Variants in SPOCK3 observed in about 807,000 individuals in gnomAD.
SPOCK3 encodes the protein testican-3.
SPOCK3 carries 30 observed loss-of-function variants against 56.6 expected under a neutral mutation model. The ratio of observed to expected loss-of-function variants is 0.53; its 90% CI spans 0.40 to 0.72. The LOEUF (loss-of-function observed/expected upper bound fraction) is 0.72, where lower values mean the gene tolerates loss of function less well. SPOCK3 is among the 30% of genes least tolerant of loss of function. The probability of loss-of-function intolerance (pLI) is 0.00; values close to 1 mark genes in which losing one functional copy is unlikely to be tolerated. For synonymous variants in SPOCK3, 196 were observed against 183.3 expected, an observed-to-expected ratio of 1.07 and a Z score of -0.56; for missense variants, 527 against 530.0, an observed-to-expected ratio of 0.99 and a Z score of 0.06.
chr4:167,165,201 A>T (rs1333821093), intron 2 of SPOCK3, among the ~76,000 whole-genome samples: 1 of 152,172 alleles, frequency 6.6e-6, no homozygotes, highest in African/African-American at 2.4e-5. Context: ...AAAAGCCAAA[A>T]TTGACAAATG....
chr4:166,794,850 C>T (rs1433698701), intron 6 of SPOCK3, among the ~76,000 whole-genome samples: 5 of 151,928 alleles, frequency 3.3e-5, no homozygotes, highest in Admixed American at 3.3e-4. Flanking sequence ...ACCATGTTAG[C>T]CAGGCTTGTC....
chr4:166,981,551 T>A (rs769650603), intron 4 of SPOCK3, among the ~76,000 whole-genome samples: 3 of 152,142 alleles, frequency 2.0e-5, no homozygotes, highest in Non-Finnish European at 4.4e-5. Context: ...CCAGGGTTTT[T>A]ATGGGCTCAG....
intron 3 of SPOCK3, among the ~76,000 whole-genome samples, chr4:167,010,749 CT>C (rs2150144215): frequency 6.6e-6 from 1 of 151,992 alleles, no homozygotes; most frequent in South Asian, 2.1e-4. Context: ...GAGCAATAAA[CT>C]GATAAAATTT....
rs79917824 is a variant in SPOCK3 at position 166,751,097 on chromosome 4, G to A, written c.931+3411C>T. ...CCTTAATCACTTTTCTTCTCCATAC[G>A]TTATTGGTCACGTAGCCTCTCATAG... is the stretch of plus-strand genomic sequence containing the variant. On this transcript the variant is annotated intron_variant, in intron 8 of 10. Transcript: ENST00000357545. 3.5e-3 allele frequency among the ~76,000 whole-genome samples: 537 copies of A among 152,188 alleles called. 15 individuals carry two copies. The East Asian group carries it at 0.084, about 24-fold the overall frequency.
intron 3 of SPOCK3, among the ~76,000 whole-genome samples, chr4:167,045,590 C>T (rs185691396): frequency 1.3e-5 from 2 of 151,676 alleles, no homozygotes; most frequent in African/African-American, 4.8e-5. Context: ...TAAATTATAC[C>T]GTTTTAAGTA....
rs1363151470 is a variant in SPOCK3, at chr4:166,737,641, T to G, written c.995-37A>C. On this transcript the variant is annotated intron_variant, in intron 9 of 10. Transcript: ENST00000357545. The stretch of plus-strand genomic sequence containing the variant: ...ACACACAGGCATACAAACACACACA[T>G]GTAGTTTATGAATAAGCTGTGCTCC... 3.2e-6 allele frequency: 5 copies of G among 1,576,456 alleles called. No individual in the cohort carries two copies. The African/African-American group carries it at 6.8e-5, about 21-fold the overall frequency.
chr4:166,810,705 T>C (rs962051750), intron 6 of SPOCK3, among the ~76,000 whole-genome samples: 1 of 152,038 alleles, frequency 6.6e-6, no homozygotes, highest in Non-Finnish European at 1.5e-5. Flanking sequence ...ATTATCATTT[T>C]TTATTGTTAG....
intron 2 of SPOCK3, among the ~76,000 whole-genome samples, chr4:167,135,688 TG>T (rs1763060177): frequency 8.4e-6 from 1 of 119,448 alleles, no homozygotes; most frequent in African/African-American, 2.8e-5. Context: ...AACGTGTGTG[TG>T]TGTGTGTGTG....
intron 4 of SPOCK3, among the ~76,000 whole-genome samples, chr4:166,938,537 T>G (rs1056902700): frequency 5.5e-4 from 84 of 152,102 alleles, no homozygotes; most frequent in Non-Finnish European, 1.1e-3. Context: ...GTACAAAGTT[T>G]TAGAATTCAT....
chr4:166,796,419 T>C (rs1741946228), intron 6 of SPOCK3, among the ~76,000 whole-genome samples: 3 of 152,198 alleles, frequency 2.0e-5, no homozygotes, highest in African/African-American at 7.2e-5. Context: ...TATTGTGCAT[T>C]ATCTTTCAGA....
chr4:166,792,285 G>A lies in SPOCK3; in HGVS notation c.594C>T (p.Cys198=). 5.6e-6 allele frequency: 9 copies of A among 1,613,538 alleles called. No homozygotes were observed. Among genetic ancestry groups the A allele is most frequent in the Non-Finnish European group, 7.6e-6 (9 of 1,179,630 alleles). Residue 198 remains cysteine, a synonymous_variant, in exon 7 of 11, where the codon TGC becomes TGT. Transcript: ENST00000357545. ...TSTSRNVKRA[C]SDLEFREVAN... Reference sequence around the variant, plus strand: ...CCACTTCCCTGAACTCCAGGTCACTGCATGCTAAAAACAGAGAAACAACAC... The same window carrying A: ...CCACTTCCCTGAACTCCAGGTCACTACATGCTAAAAACAGAGAAACAACAC...
At chr4:167,048,083 T>C (rs1000483621) in intron 3 of SPOCK3, among the ~76,000 whole-genome samples, 2 of 152,138 alleles carry the variant, frequency 1.3e-5, no homozygotes, top group African/African-American at 2.4e-5. Context: ...CTGAGTTCCA[T>C]ATATGGTTTC....
intron 4 of SPOCK3, among the ~76,000 whole-genome samples, chr4:166,993,424 A>C (rs944859437): frequency 1.8e-4 from 27 of 152,148 alleles, no homozygotes; most frequent in African/African-American, 6.3e-4. Context: ...GAGAATCATT[A>C]AGGGCAGCAA....
chr4:167,046,450 C>CTTTTTTTTTTTTTTTTTTT (rs67108499), intron 3 of SPOCK3, among the ~76,000 whole-genome samples: 1 of 53,708 alleles, frequency 1.9e-5, no homozygotes, highest in East Asian at 5.4e-4. Flanking sequence ...TTCTGATATT[C>CTTTTTTTTTTTTTTTTTTT]TTTTTTTTTT....
chr4:167,030,782 T>C (rs7662976), intron 3 of SPOCK3, among the ~76,000 whole-genome samples: 56,667 of 151,844 alleles, frequency 0.37, 13,447 homozygotes, highest in African/African-American at 0.68. Flanking sequence ...CCTACCTTAC[T>C]CATGTTTTCA....
chr4:166,813,491 A>G (rs10007161), intron 6 of SPOCK3, among the ~76,000 whole-genome samples: 22,186 of 151,992 alleles, frequency 0.15, 1,880 homozygotes, highest in African/African-American at 0.22. Context: ...TATTTGCTCA[A>G]ATAATAATTC....
chr4:167,031,377 A>C (rs1475097646), intron 3 of SPOCK3, among the ~76,000 whole-genome samples: 1 of 152,024 alleles, frequency 6.6e-6, no homozygotes, highest in Non-Finnish European at 1.5e-5. Context: ...GTCTATTACA[A>C]ACACAAATAT....
At chr4:166,943,862 T>C (rs1385471004) in intron 4 of SPOCK3, among the ~76,000 whole-genome samples, 3 of 152,156 alleles carry the variant, frequency 2.0e-5, no homozygotes, top group Admixed American at 1.3e-4. Flanking sequence ...ATTAAAAAAA[T>C]AGGCCACGCA....
chr4:166,966,346 C>T (rs1250910482), intron 4 of SPOCK3, among the ~76,000 whole-genome samples: 3 of 151,128 alleles, frequency 2.0e-5, no homozygotes, highest in Non-Finnish European at 2.9e-5. Context: ...CCATGGCTTT[C>T]TTTCAGTCAT....
Sources: allele counts gnomAD v4.1 joint callset (sites outside exome capture counted in the v4.1 genomes callset), GRCh38; gene constraint gnomAD v4.1.1; transcripts MANE v1.5; gene names NCBI Gene and HGNC (gene_info 2026-07-23, HGNC 2026-07-21).